Variants in SEMA3C observed in about 807,000 individuals in gnomAD.
SEMA3C encodes the protein semaphorin-3C.
Under a neutral mutation model 89.4 loss-of-function variants are expected in SEMA3C, and 47 were observed. The ratio of observed to expected loss-of-function variants is 0.53; its 90% CI spans 0.42 to 0.67. The LOEUF (loss-of-function observed/expected upper bound fraction) is 0.67, where lower values mean the gene tolerates loss of function less well. Among genes scored for constraint, SEMA3C ranks in the 30% least tolerant of loss-of-function variants. The pLI is 0.00. For missense variants in SEMA3C, 839 were observed against 929.1 expected (o/e 0.90, Z 1.26); for synonymous variants, 310 against 320.2 (o/e 0.97, Z 0.34).
upstream of SEMA3C, among the ~76,000 whole-genome samples, chr7:80,921,152 A>G (rs900202850): frequency 2.0e-5 from 3 of 152,212 alleles, no homozygotes; most frequent in Non-Finnish European, 4.4e-5. Context: ...TCTGTTACAC[A>G]TTCAGGGGTT....
intron 2 of SEMA3C, among the ~76,000 whole-genome samples, chr7:80,879,233 G>A (rs1042655923): frequency 1.3e-5 from 2 of 152,114 alleles, no homozygotes; most frequent in Non-Finnish European, 2.9e-5. Flanking sequence ...AAAACAATGG[G>A]AGATGTCTGA....
At chr7:80,758,872 G>A (rs1198568350) in intron 14 of SEMA3C, among the ~76,000 whole-genome samples, 1 of 152,042 alleles carries the variant, frequency 6.6e-6, no homozygotes, top group Non-Finnish European at 1.5e-5. Flanking sequence ...GGGGCAACAC[G>A]TTACTTTGTA....
chr7:80,747,080 T>C (rs1787820338), intron 17 of SEMA3C, among the ~76,000 whole-genome samples: 1 of 152,088 alleles, frequency 6.6e-6, no homozygotes, highest in African/African-American at 2.4e-5. Context: ...ATTAATAGCT[T>C]AAAAATAAGT....
At chr7:80,826,185 A>G (rs1789868798) in intron 4 of SEMA3C, among the ~76,000 whole-genome samples, 1 of 152,096 alleles carries the variant, frequency 6.6e-6, no homozygotes, top group Admixed American at 6.6e-5. Context: ...CATTTCCTCA[A>G]TCCCATATTT....
At chr7:80,775,647 C>A (rs1336869540) in intron 12 of SEMA3C, among the ~76,000 whole-genome samples, 2 of 151,982 alleles carry the variant, frequency 1.3e-5, no homozygotes, top group African/African-American at 4.8e-5. Context: ...GGTCATAAAA[C>A]CTGACCTGCA....
chr7:80,833,475 G>T (rs1405451425), intron 2 of SEMA3C, among the ~76,000 whole-genome samples: 4 of 151,604 alleles, frequency 2.6e-5, no homozygotes, highest in Non-Finnish European at 2.9e-5. Context: ...AAAAAAGAAA[G>T]AAAGAAAAGA....
At chr7:80,898,509 A>C (rs1791795331) in intron 2 of SEMA3C, among the ~76,000 whole-genome samples, 1 of 152,194 alleles carries the variant, frequency 6.6e-6, no homozygotes, top group South Asian at 2.1e-4. Flanking sequence ...TTGTATTAAT[A>C]AGAATTATTG....
At chr7:80,788,068 C>T (rs189935824) in intron 12 of SEMA3C, among the ~76,000 whole-genome samples, 7 of 152,230 alleles carry the variant, frequency 4.6e-5, no homozygotes, top group Admixed American at 4.6e-4. Context: ...AAAATAAAAA[C>T]CTTATCTTAG....
chr7:80,853,266 G>A (rs1189357751), intron 2 of SEMA3C, among the ~76,000 whole-genome samples: 1 of 152,062 alleles, frequency 6.6e-6, no homozygotes, highest in Non-Finnish European at 1.5e-5. Context: ...CCATTGCTGG[G>A]TACATATGCA....
At chr7:80,798,007 C>A (rs1408599386) in intron 11 of SEMA3C, 85 bp downstream of exon 11, 18 of 1,367,146 alleles carry the variant, frequency 1.3e-5, no homozygotes, top group African/African-American at 4.6e-5. Context: ...CAAAAAAAAA[C>A]CCCAAAAAAC....
At chr7:80,835,859 T>C (rs190530955) in intron 2 of SEMA3C, among the ~76,000 whole-genome samples, 109 of 152,264 alleles carry the variant, frequency 7.2e-4, no homozygotes, top group African/African-American at 2.6e-3. Flanking sequence ...GGAATTAAAA[T>C]TGAGCAAATT....
chr7:80,755,036 G>A (rs1475852226), intron 15 of SEMA3C, among the ~76,000 whole-genome samples: 1 of 148,432 alleles, frequency 6.7e-6, no homozygotes, highest in Admixed American at 6.9e-5. Context: ...CTGACCTCAA[G>A]TGATCTGCCT....
At chr7:80,778,317 A>G (rs1461743924) in intron 12 of SEMA3C, among the ~76,000 whole-genome samples, 1 of 152,198 alleles carries the variant, frequency 6.6e-6, no homozygotes, top group Non-Finnish European at 1.5e-5. Context: ...TCAATAATGC[A>G]GGTTTATTAT....
chr7:80,872,801 A>G (rs1791097446), intron 2 of SEMA3C, among the ~76,000 whole-genome samples: 2 of 147,230 alleles, frequency 1.4e-5, no homozygotes, highest in South Asian at 4.6e-4. Flanking sequence ...CTCTGTCAAA[A>G]AAAAAAAAAA....
chr7:80,877,612 A>G (rs188374220), intron 2 of SEMA3C, among the ~76,000 whole-genome samples: 10 of 152,152 alleles, frequency 6.6e-5, no homozygotes, highest in African/African-American at 2.4e-4. Flanking sequence ...ATTTCTTTAA[A>G]ATATACTTAT....
chr7:80,812,853 C>A (rs1789501189), intron 5 of SEMA3C, among the ~76,000 whole-genome samples: 2 of 151,796 alleles, frequency 1.3e-5, no homozygotes, highest in South Asian at 2.1e-4. Flanking sequence ...GTGGTGCGAT[C>A]TCGGCTTACG....
intron 2 of SEMA3C, among the ~76,000 whole-genome samples, chr7:80,849,752 C>A (rs569331174): frequency 6.6e-6 from 1 of 152,086 alleles, no homozygotes; most frequent in South Asian, 2.1e-4. Context: ...CCAAATGTTT[C>A]TTAAATAGGG....
intron 2 of SEMA3C, among the ~76,000 whole-genome samples, chr7:80,837,340 A>G (rs1471494828): frequency 6.6e-6 from 1 of 152,212 alleles, no homozygotes; most frequent in Non-Finnish European, 1.5e-5. Flanking sequence ...CTAAAAACAG[A>G]ATACTATAAA....
intron 15 of SEMA3C, among the ~76,000 whole-genome samples, chr7:80,752,033 G>A (rs964598456): frequency 6.6e-5 from 10 of 152,000 alleles, no homozygotes; most frequent in African/African-American, 1.2e-4. Context: ...TGTATATGCT[G>A]TGGATCCACA....
Sources: allele counts gnomAD v4.1 joint callset (sites outside exome capture counted in the v4.1 genomes callset), GRCh38; gene constraint gnomAD v4.1.1; transcripts MANE v1.5; gene names NCBI Gene and HGNC (gene_info 2026-07-23, HGNC 2026-07-21).